KMT2A: variants seen among roughly 807,000 people sequenced by gnomAD.
KMT2A encodes histone-lysine N-methyltransferase 2A.
A neutral mutation model predicts 345.3 loss-of-function variants in KMT2A; 16 were observed. The ratio of observed to expected loss-of-function variants is 0.05; its 90% confidence interval spans 0.03 to 0.07. The LOEUF (loss-of-function observed/expected upper bound fraction) is 0.07, where lower values mean the gene tolerates loss of function less well. Ranked by LOEUF, KMT2A falls within the 10% of genes least tolerant of loss-of-function variation. The probability of loss-of-function intolerance (pLI) is 1.00; values close to 1 mark genes in which losing one functional copy is unlikely to be tolerated. For missense variants in KMT2A, 3,272 were observed against 4,841.6 expected (o/e 0.68, Z 9.62); for synonymous variants, 1,599 against 1,778.6 (o/e 0.90, Z 2.54).
chr11:118,472,102 C>A lies in KMT2A; in HGVS notation c.943C>A (p.Pro315Thr). The change falls in exon 3 of 36, where the codon CCT becomes ACT. Residue 315 changes from proline to threonine, a missense_variant. Coordinates refer to ENST00000534358, the MANE Select transcript of KMT2A (RefSeq NM_001197104.2). ...RPPSTERIKT[P>T]SGLLINSELE... The stretch of plus-strand genomic sequence containing the variant: ...TCCATCAACAGAAAGGATAAAGACC[C>A]CTTCGGGTCTCCTCATTAATTCTGA... 1.9e-6 allele frequency: 3 copies of A among 1,614,008 alleles called. No homozygotes were observed. The highest frequency in any genetic ancestry group is 2.5e-6 in the Non-Finnish European group (3 of 1,180,028).
At chr11:118,500,450 A>G (rs1950482502) in intron 24 of KMT2A, among the ~76,000 whole-genome samples, 1 of 152,184 alleles carries the variant, frequency 6.6e-6, no homozygotes, top group African/African-American at 2.4e-5. Flanking sequence ...ATATGCTCCA[A>G]CTTACTCTGT....
At position 118,524,224 on chromosome 11, in the gene KMT2A, G is replaced by T. The variant is rs1260746052; in HGVS notation, c.*2052G>T. 1 of 183,188 alleles carries T rather than the reference G, an allele frequency of 5.5e-6. No homozygotes were observed. The allele number at this position is 183,188 out of a possible 1,614,324, so 11.3% of individuals were successfully genotyped here. ...ACTGAAGCACAGTCTGACCACTCACGATAAAGCAGATTTTTCTCTGCCTCT... is the reference window on the plus strand; with the variant it reads ...ACTGAAGCACAGTCTGACCACTCACTATAAAGCAGATTTTTCTCTGCCTCT... On this transcript the variant is annotated 3_prime_UTR_variant, in exon 36 of 36. Coordinates refer to ENST00000534358, the MANE Select transcript of KMT2A (RefSeq NM_001197104.2).
At chr11:118,509,100 A>G in intron 28 of KMT2A, 36 bp from the exon 29 acceptor site, 2 of 1,581,976 alleles carry the variant, frequency 1.3e-6, no homozygotes, top group Non-Finnish European at 1.7e-6. Flanking sequence ...TTGAAGAACT[A>G]GCTGATATTA....
rs782256145 is a variant in KMT2A, at chr11:118,473,425, A to C, written c.2266A>C (p.Arg756=). 1 of 1,614,204 alleles carries C rather than the reference A, an allele frequency of 6.2e-7. No homozygotes were observed. Among genetic ancestry groups the C allele is most frequent in the Non-Finnish European group, 8.5e-7 (1 of 1,180,014 alleles). ...SEPRSPSHSM[R]TRSGRLSSSE... is the part of the protein sequence containing the mutation. Reference sequence around the variant, plus strand: ...ACCAAGATCTCCTTCTCACTCCATGAGGACAAGAAGTGGAAGGCTTAGTAG... The same window carrying C: ...ACCAAGATCTCCTTCTCACTCCATGCGGACAAGAAGTGGAAGGCTTAGTAG... Residue 756 remains arginine, a synonymous_variant, in exon 3 of 36, where the codon AGG becomes CGG. Transcript: ENST00000534358. This position sits in a 1 kb window ranked among gnomAD's most constrained non-coding sequence, Gnocchi z 5.2.
chr11:118,516,346 C>A (rs1237204514), intron 31 of KMT2A, among the ~76,000 whole-genome samples: 1 of 151,994 alleles, frequency 6.6e-6, no homozygotes, highest in Admixed American at 6.6e-5. Context: ...ATACATAAAG[C>A]GAAAGTCCTC....
chr11:118,507,958 G>T (rs1397868824), intron 28 of KMT2A, among the ~76,000 whole-genome samples: 1 of 151,982 alleles, frequency 6.6e-6, no homozygotes, highest in Non-Finnish European at 1.5e-5. Flanking sequence ...GCAAGACTCC[G>T]TTTCCAAAAA....
intron 1 of KMT2A, among the ~76,000 whole-genome samples, chr11:118,453,006 TTG>T (rs1403008081): frequency 1.3e-5 from 2 of 152,118 alleles, no homozygotes; most frequent in Non-Finnish European, 2.9e-5. Flanking sequence ...CTAGTCAGGG[TTG>T]TACCTGCAGT....
intron 1 of KMT2A, chr11:118,439,158 C>CAAAAA: frequency 1.9e-5 from 5 of 265,446 alleles, no homozygotes; most frequent in Admixed American, 5.3e-5. Context: ...GATACAGCAG[C>CAAAAA]AAAAAAAAAA....
In KMT2A at chr11:118,503,684, G is replaced by A. The variant is rs1950537820; in HGVS notation, c.7792G>A (p.Asp2598Asn). The change falls in exon 27 of 36, where the codon GAC becomes AAC. Residue 2598 changes from aspartate to asparagine, a missense_variant. Asp to Asn is a conservative substitution (Grantham distance 23). Coordinates refer to ENST00000534358, the MANE Select transcript of KMT2A (RefSeq NM_001197104.2). The surrounding 1 kb of genome is among the most constrained non-coding windows in gnomAD (Gnocchi z 5.3). ...SNNYQNLPVQ[D>N]RNLMLPDGPK... ...CAACTATCAGAATCTTCCAGTACAG[G>A]ACAGAAACCTAATGCTTCCAGATGG... 1.9e-6 allele frequency: 3 copies of A among 1,614,148 alleles called. No homozygotes were observed. The highest frequency in any genetic ancestry group is 2.7e-5 in the African/African-American group (2 of 75,030).
At chr11:118,448,696 T>A (rs1949471054) in intron 1 of KMT2A, 1 of 152,190 alleles carries the variant, frequency 6.6e-6, no homozygotes, top group Admixed American at 6.6e-5. Context: ...CTAGATTTAT[T>A]TAAGATTAGT....
chr11:118,474,826 T>C (rs1450984476), intron 3 of KMT2A, among the ~76,000 whole-genome samples: 1 of 152,164 alleles, frequency 6.6e-6, no homozygotes, highest in Non-Finnish European at 1.5e-5. Flanking sequence ...TTTTGCAGAA[T>C]ACAAATGAGA....
chr11:118,496,768 T>C lies in KMT2A; in HGVS notation c.5664+401T>C, dbSNP rs1170242422. Among the ~76,000 whole-genome samples, 1 of 152,202 alleles carries C rather than the reference T, an allele frequency of 6.6e-6. No homozygotes were observed. Among genetic ancestry groups the C allele is most frequent in the African/African-American group, 2.4e-5 (1 of 41,416 alleles). ...GCCCGAGTTCTGCCGCCTGCCTGAATACATTTCTGTGCTTAACTGCCTACT... is the reference window on the plus strand; with the variant it reads ...GCCCGAGTTCTGCCGCCTGCCTGAACACATTTCTGTGCTTAACTGCCTACT... On this transcript the variant is annotated intron_variant, in intron 20 of 35. Transcript: ENST00000534358. This position sits in a 1 kb window ranked among gnomAD's most constrained non-coding sequence, Gnocchi z 4.7.
At chr11:118,453,148 T>C (rs1367159224) in intron 1 of KMT2A, among the ~76,000 whole-genome samples, 2 of 152,218 alleles carry the variant, frequency 1.3e-5, no homozygotes, top group Non-Finnish European at 2.9e-5. Context: ...CTCTAGCTGC[T>C]ACCTGATTCT....
chr11:118,470,056 A>G (rs1432903041), intron 2 of KMT2A, among the ~76,000 whole-genome samples: 1 of 152,234 alleles, frequency 6.6e-6, no homozygotes, highest in Non-Finnish European at 1.5e-5. Context: ...CATGAAATAC[A>G]TGAGTAATGA....
rs782286998 is a variant in KMT2A, at chr11:118,512,063, A to T, written c.11146+38A>T. On this transcript the variant is annotated intron_variant, in intron 31 of 35. Coordinates refer to ENST00000534358, the MANE Select transcript of KMT2A (RefSeq NM_001197104.2). ...GGTGTTATTCCACTCCTGTCTCAGA[A>T]TATTATGGTAAATTGTTCGCCTAAG... The T allele has an allele frequency of 1.9e-6, 3 of 1,570,002 alleles. No individual in the cohort carries two copies. In the South Asian group the frequency reaches 3.3e-5, roughly 18 times the overall value.
In KMT2A at chr11:118,484,327, A is replaced by G. The variant is rs781870373; in HGVS notation, c.4218+13A>G. The G allele has an allele frequency of 6.2e-7, 1 of 1,613,414 alleles. No individual in the cohort carries two copies. The highest frequency in any genetic ancestry group is 1.3e-5 in the African/African-American group (1 of 75,038). ...AGTGGACTTTAAGGTAAAGGTGTTC[A>G]GTGATCATAAAGTATATTGAGTGTC... On this transcript the variant is annotated intron_variant, in intron 9 of 35. Coordinates refer to ENST00000534358, the MANE Select transcript of KMT2A (RefSeq NM_001197104.2). The surrounding 1 kb of genome is among the most constrained non-coding windows in gnomAD (Gnocchi z 4.1).
In KMT2A at chr11:118,493,113, C is replaced by T. The variant is rs1950351178; in HGVS notation, c.5061C>T (p.Ser1687=). The part of the protein sequence containing the change: ...PETEESIPSR[S]SPEGPDPPVL... Reference sequence around the variant, plus strand: ...CAGAGGAGAGTATACCTTCCCGCAGCTCCCCCGAAGGACCTGATCCACCAG... The same window carrying T: ...CAGAGGAGAGTATACCTTCCCGCAGTTCCCCCGAAGGACCTGATCCACCAG... Residue 1687 remains serine (S), a synonymous_variant, in exon 16 of 36, where the codon AGC becomes AGT. Transcript: ENST00000534358. This position sits in a 1 kb window ranked among gnomAD's most constrained non-coding sequence, Gnocchi z 5.8. 3 of 1,614,010 alleles carry T rather than the reference C, an allele frequency of 1.9e-6. No individual in the cohort carries two copies. Among genetic ancestry groups the T allele is most frequent in the Non-Finnish European group, 2.5e-6 (3 of 1,179,930 alleles).
chr11:118,457,989 ATGAG>A (rs1949679066), intron 1 of KMT2A, among the ~76,000 whole-genome samples: 1 of 152,104 alleles, frequency 6.6e-6, no homozygotes, highest in Non-Finnish European at 1.5e-5. Flanking sequence ...ATATATTTTA[ATGAG>A]TGAGTGAATG....
chr11:118,494,913 C>T lies in KMT2A; in HGVS notation c.5363+146C>T, dbSNP rs1045069749. On this transcript the variant is annotated intron_variant, in intron 18 of 35. Coordinates refer to ENST00000534358, the MANE Select transcript of KMT2A (RefSeq NM_001197104.2). The surrounding 1 kb of genome is among the most constrained non-coding windows in gnomAD (Gnocchi z 5.8). ...CTTTTCGGTGTGGTTTTGAGGACTA[C>T]ATTTAATGTTTGTTATAAGCAATTG... 1.6e-6 allele frequency: 1 copy of T among 641,868 alleles called. No individual in the cohort carries two copies. Among genetic ancestry groups the T allele is most frequent in the Non-Finnish European group, 2.7e-6 (1 of 364,982 alleles). The allele number at this position is 641,868 out of a possible 1,614,324, so 39.8% of individuals were successfully genotyped here. A position where few individuals can be genotyped will look rare whatever the true frequency, so the allele number is the denominator to read the frequency against.
Sources: gnomAD v4.1 joint callset for allele counts (sites outside exome capture counted in the v4.1 genomes callset) on GRCh38, gnomAD v4.1.1 for gene constraint, Gnocchi (gnomAD v3.1) non-coding constraint, MANE v1.5 for transcripts, NCBI Gene and HGNC (gene_info 2026-07-23, HGNC 2026-07-21) for gene names.